Variants in ZNF709 observed in about 807,000 individuals in gnomAD.
The protein encoded by ZNF709 is zinc finger protein 709.
In ZNF709, 15 loss-of-function variants were observed where a neutral mutation model predicts 10.6. The observed-to-expected ratio is 1.41, with a 90% CI of 0.95 to 2.18. The LOEUF is 2.18. ZNF709 is among the 30% of genes most tolerant of loss of function. The pLI is 0.00. For synonymous variants in ZNF709, 194 were observed against 238.8 expected (o/e 0.81, Z 1.73); for missense variants, 589 against 774.0 (o/e 0.76, Z 2.84).
At chr19:12,466,978 A>G in intron 1 of ZNF709, 128 bp from the exon 2 acceptor site, 2 of 1,338,954 alleles carry the variant, frequency 1.5e-6, no homozygotes, top group South Asian at 1.5e-5. Context: ...CAGAACTCAA[A>G]TCTTCGTCCA....
chr19:12,466,521 T>A lies in ZNF709; in HGVS notation c.131-2A>T. 2 of 1,614,042 alleles carry A rather than the reference T, an allele frequency of 1.2e-6. No homozygotes were observed. Among genetic ancestry groups the A allele is most frequent in the Non-Finnish European group, 8.5e-7 (1 of 1,179,990 alleles). On this transcript the variant is annotated splice_acceptor_variant, in intron 2 of 3. Transcript: ENST00000397732. LOFTEE classifies it high-confidence loss of function. Reference sequence around the variant, plus strand: ...TGTTCTTCTCCTCCCAGTTTTCCCCTAAAATGCAGGCCCAGAAAAATCATT... The same window carrying A: ...TGTTCTTCTCCTCCCAGTTTTCCCCAAAAATGCAGGCCCAGAAAAATCATT...
chr19:12,468,842 C>T lies in ZNF709; in HGVS notation c.4-1992G>A, dbSNP rs182646125. ...CATGAAACACAGGGTCAAATCTGTA[C>T]GAGATTTTTTTTTTTTGAGACAGAG... is the stretch of plus-strand genomic sequence containing the variant. On this transcript the variant is annotated intron_variant, in intron 1 of 3. Transcript: ENST00000397732. Among the ~76,000 whole-genome samples the T allele has an allele frequency of 1.6e-3, 246 of 151,934 alleles. 1 individual carries two copies. The highest frequency in any genetic ancestry group is 5.8e-3 in the African/African-American group (239 of 41,400).
rs1970560175 is a variant in ZNF709, at chr19:12,465,385, C to T, written c.537G>A (p.Trp179Ter). Reference sequence around the variant, plus strand: ...TTTCATGTATTTGAAAGGAACTGGGCCAACTGAAAGCCTTACCACACTGTT... The same window carrying T: ...TTTCATGTATTTGAAAGGAACTGGGTCAACTGAAAGCCTTACCACACTGTT... The part of the protein sequence containing the change: ...KCKQCGKAFS[W>*]PSSFQIHERT... Residue 179 changes from tryptophan (W) to a stop codon, truncating the protein, a stop_gained, in exon 4 of 4, where the codon TGG becomes TGA. Coordinates refer to ENST00000397732, the MANE Select transcript of ZNF709 (RefSeq NM_152601.4). LOFTEE classifies it low-confidence loss of function (END_TRUNC). 1 of 1,610,440 alleles carries T rather than the reference C, an allele frequency of 6.2e-7. No homozygotes were observed. Among genetic ancestry groups the T allele is most frequent in the African/African-American group, 1.3e-5 (1 of 74,386 alleles).
chr19:12,484,414 G>C (rs1043755992), intron 1 of ZNF709, among the ~76,000 whole-genome samples: 1 of 152,200 alleles, frequency 6.6e-6, no homozygotes, highest in Non-Finnish European at 1.5e-5. Context: ...GCCCAGAGAG[G>C]GCTCCGGGAC....
chr19:12,470,898 G>A lies in ZNF709; in HGVS notation c.4-4048C>T, dbSNP rs186630470. Among the ~76,000 whole-genome samples, 42 of 150,464 alleles carry A rather than the reference G, an allele frequency of 2.8e-4. No individual in the cohort carries two copies. The East Asian group carries it at 7.8e-3, about 28-fold the overall frequency. On this transcript the variant is annotated intron_variant, in intron 1 of 3. Transcript: ENST00000397732. ...GCCAAGATCATGCCACTGCACTCCA[G>A]CCTGGGCAACAGAGCGAGACTCCAC...
At position 12,464,942 on chromosome 19, in the gene ZNF709, T is replaced by C; in HGVS notation, c.980A>G (p.Glu327Gly). The stretch of plus-strand genomic sequence containing the variant: ...GGGTTTCTCTCCTGTATGAATTCTT[T>C]CATGTTTTCTAAAGGAACTAGGAAA... ...FSFPSSFRKHERIHTGEKPYD... is the reference protein window; with the variant it reads ...FSFPSSFRKHGRIHTGEKPYD... The change falls in exon 4 of 4, where the codon GAA becomes GGA. Residue 327 changes from glutamate to glycine, a missense_variant. Around this residue, in one of 2 missense-constraint regions of ZNF709, gnomAD observed 418 missense variants for 496.3 expected, o/e 0.84. Coordinates refer to ENST00000397732, the MANE Select transcript of ZNF709 (RefSeq NM_152601.4). 1.2e-6 allele frequency: 2 copies of C among 1,604,226 alleles called. No homozygotes were observed. Among genetic ancestry groups the C allele is most frequent in the South Asian group, 1.1e-5 (1 of 89,234 alleles).
At chr19:12,467,232 T>C (rs1599632254) in intron 1 of ZNF709, among the ~76,000 whole-genome samples, 1 of 152,130 alleles carries the variant, frequency 6.6e-6, no homozygotes, top group Admixed American at 6.5e-5. Flanking sequence ...CACTGCAACC[T>C]CCCTGCCTGA....
At chr19:12,467,921 C>G (rs1048762582) in intron 1 of ZNF709, among the ~76,000 whole-genome samples, 1 of 151,838 alleles carries the variant, frequency 6.6e-6, no homozygotes, top group African/African-American at 2.4e-5. Context: ...CCACCCCATC[C>G]GGGAGGGAGG....
chr19:12,477,574 G>C (rs955212159), intron 1 of ZNF709, among the ~76,000 whole-genome samples: 18 of 152,132 alleles, frequency 1.2e-4, no homozygotes, highest in African/African-American at 4.3e-4. Flanking sequence ...GGGATACCTT[G>C]CTTAAATTTT....
chr19:12,464,196 G>A lies in ZNF709; in HGVS notation c.1726C>T (p.Arg576Ter), dbSNP rs1399894184. The A allele has an allele frequency of 8.9e-6, 14 of 1,580,392 alleles. No homozygotes were observed. Among genetic ancestry groups the A allele is most frequent in the African/African-American group, 2.7e-5 (2 of 73,940 alleles). ...GKAFSCSSSV[R>*]MHERTHTGVK... ...CCAGTGTGAGTCCTTTCATGCATTCGAACAGAACTAGAACAACTGAAGGCC... is the reference window on the plus strand; with the variant it reads ...CCAGTGTGAGTCCTTTCATGCATTCAAACAGAACTAGAACAACTGAAGGCC... The change falls in exon 4 of 4, where the codon CGA becomes TGA. Residue 576 changes from arginine to a stop codon, truncating the protein, a stop_gained. Coordinates refer to ENST00000397732, the MANE Select transcript of ZNF709 (RefSeq NM_152601.4). LOFTEE classifies it low-confidence loss of function (END_TRUNC).
chr19:12,465,033 T>C lies in ZNF709; in HGVS notation c.889A>G (p.Ser297Gly). Residue 297 changes from serine to glycine, a missense_variant, in exon 4 of 4, where the codon AGT becomes GGT. Coordinates refer to ENST00000397732, the MANE Select transcript of ZNF709 (RefSeq NM_152601.4). Reference protein sequence around the residue: ...KALSCPTSFRSHERIHTGEKP... With the variant: ...KALSCPTSFRGHERIHTGEKP... ...TCTCCAGTGTGAATCCTTTCATGAC[T>C]TCGAAAGGATGTGGGACAACTAAGA... 1 of 1,612,500 alleles carries C rather than the reference T, an allele frequency of 6.2e-7. No individual in the cohort carries two copies. Among genetic ancestry groups the C allele is most frequent in the South Asian group, 1.1e-5 (1 of 90,662 alleles).
chr19:12,477,784 AT>A (rs1970688604), intron 1 of ZNF709, among the ~76,000 whole-genome samples: 1 of 151,534 alleles, frequency 6.6e-6, no homozygotes, highest in Admixed American at 6.6e-5. Context: ...CTTTTTCAGC[AT>A]TTTTTTCTTT....
chr19:12,466,536 G>A lies in ZNF709; in HGVS notation c.131-17C>T, dbSNP rs1418613054. On this transcript the variant is annotated splice_polypyrimidine_tract_variant and intron_variant, in intron 2 of 3. Transcript: ENST00000397732. ...AGTTTTCCCCTAAAATGCAGGCCCAGAAAAATCATTAAACCTATTCGAAAT... is the reference window on the plus strand; with the variant it reads ...AGTTTTCCCCTAAAATGCAGGCCCAAAAAAATCATTAAACCTATTCGAAAT... 6.2e-7 allele frequency: 1 copy of A among 1,613,590 alleles called. No homozygotes were observed. Among genetic ancestry groups the A allele is most frequent in the Non-Finnish European group, 8.5e-7 (1 of 1,179,836 alleles).
chr19:12,467,280 G>T (rs577184960), intron 1 of ZNF709, among the ~76,000 whole-genome samples: 1 of 152,312 alleles, frequency 6.6e-6, no homozygotes, highest in Admixed American at 6.5e-5. Context: ...TGCGATTGCA[G>T]GCGCGCGCGC....
Position 12,464,907 on chromosome 19 carries a change from T to G in ZNF709, c.1015A>C (p.Lys339Gln). 6.2e-7 allele frequency: 1 copy of G among 1,613,616 alleles called. No individual in the cohort carries two copies. The highest frequency in any genetic ancestry group is 8.5e-7 in the Non-Finnish European group (1 of 1,179,796). The change falls in exon 4 of 4, where the codon AAG (lysine) becomes CAG (glutamine). Residue 339 changes from lysine (K) to glutamine (Q), a missense_variant. Lys to Gln is a moderately conservative substitution (Grantham distance 53). Around this residue, in one of 2 missense-constraint regions of ZNF709, gnomAD observed 418 missense variants for 496.3 expected, o/e 0.84. Coordinates refer to ENST00000397732, the MANE Select transcript of ZNF709 (RefSeq NM_152601.4). The stretch of plus-strand genomic sequence containing the variant: ...GAAATGAATGCTTTCCCACATTCCT[T>G]ACAATCATAGGGTTTCTCTCCTGTA... The part of the protein sequence containing the change: ...IHTGEKPYDC[K>Q]ECGKAFISLP...
At chr19:12,481,827 A>G (rs1379345763) in intron 1 of ZNF709, among the ~76,000 whole-genome samples, 1 of 150,802 alleles carries the variant, frequency 6.6e-6, no homozygotes, top group Non-Finnish European at 1.5e-5. Context: ...GGATCATTTG[A>G]GCCAAGAAAG....
chr19:12,482,710 G>A (rs1011786870), intron 1 of ZNF709, among the ~76,000 whole-genome samples: 6 of 152,136 alleles, frequency 3.9e-5, no homozygotes, highest in Admixed American at 3.3e-4. Flanking sequence ...ATCCCCCAAC[G>A]TGCATTCAGA....
chr19:12,464,924 T>C lies in ZNF709; in HGVS notation c.998A>G (p.Glu333Gly). ...FRKHERIHTGEKPYDCKECGK... is the reference protein window; with the variant it reads ...FRKHERIHTGGKPYDCKECGK... ...ACATTCCTTACAATCATAGGGTTTC[T>C]CTCCTGTATGAATTCTTTCATGTTT... The change falls in exon 4 of 4, where the codon GAG (glutamate) becomes GGG (glycine). Residue 333 changes from glutamate (E) to glycine (G), a missense_variant. This residue lies in a region of ZNF709 where 418 missense variants were observed against 496.3 expected (regional missense o/e 0.84). Coordinates refer to ENST00000397732, the MANE Select transcript of ZNF709 (RefSeq NM_152601.4). The C allele has an allele frequency of 6.2e-7, 1 of 1,607,990 alleles. No individual in the cohort carries two copies. Among genetic ancestry groups the C allele is most frequent in the Non-Finnish European group, 8.5e-7 (1 of 1,178,266 alleles).
At chr19:12,473,606 G>A (rs1453694279) in intron 1 of ZNF709, among the ~76,000 whole-genome samples, 1 of 152,150 alleles carries the variant, frequency 6.6e-6, no homozygotes, top group Non-Finnish European at 1.5e-5. Context: ...AACTCAATGA[G>A]TTTGGGGATA....
Sources: gnomAD v4.1 joint callset for allele counts (sites outside exome capture counted in the v4.1 genomes callset) on GRCh38, gnomAD v4.1.1 for gene constraint, gnomAD v4.1.1 regional missense constraint, MANE v1.5 for transcripts, NCBI Gene and HGNC (gene_info 2026-07-23, HGNC 2026-07-21) for gene names.